The following ANKRD6 variants were observed in gnomAD, a reference collection of about 807,000 sequenced individuals.
The protein encoded by ANKRD6 is ankyrin repeat domain-containing protein 6.
ANKRD6 carries 56 observed loss-of-function variants against 82.3 expected under a neutral mutation model. That is an observed-to-expected ratio of 0.68 (90% CI 0.55 to 0.85). The LOEUF (loss-of-function observed/expected upper bound fraction) is 0.85, where lower values mean the gene tolerates loss of function less well. Among genes scored for constraint, ANKRD6 ranks in the 40% least tolerant of loss-of-function variants. The probability of loss-of-function intolerance (pLI) is 0.00; values close to 1 mark genes in which losing one functional copy is unlikely to be tolerated. For missense variants in ANKRD6, 852 were observed against 907.6 expected (o/e 0.94, Z 0.79); for synonymous variants, 347 against 352.1 (o/e 0.99, Z 0.16).
chr6:89,448,423 C>T (rs1302866486), intron 1 of ANKRD6, among the ~76,000 whole-genome samples: 1 of 113,130 alleles, frequency 8.8e-6, no homozygotes, highest in Non-Finnish European at 1.8e-5. Context: ...GACAGCAAGA[C>T]CTTGTCAAAA....
At chr6:89,533,434 C>T (rs1783430840) in intron 1 of ANKRD6, among the ~76,000 whole-genome samples, 1 of 152,152 alleles carries the variant, frequency 6.6e-6, no homozygotes, top group Non-Finnish European at 1.5e-5. Context: ...CCCTTGGATG[C>T]CCCACAGTGT....
At chr6:89,493,756 C>T (rs530537948) in intron 1 of ANKRD6, among the ~76,000 whole-genome samples, 1 of 152,156 alleles carries the variant, frequency 6.6e-6, no homozygotes, top group East Asian at 1.9e-4. Flanking sequence ...GCATTTAGGG[C>T]CCACTGTGAT....
intron 1 of ANKRD6, among the ~76,000 whole-genome samples, chr6:89,564,615 T>G (rs981021091): frequency 6.6e-6 from 1 of 152,094 alleles, no homozygotes; most frequent in African/African-American, 2.4e-5. Flanking sequence ...CTGAGGAGGC[T>G]GCACAGCACT....
At chr6:89,590,033 C>T (rs1440737951) in intron 2 of ANKRD6, among the ~76,000 whole-genome samples, 1 of 152,118 alleles carries the variant, frequency 6.6e-6, no homozygotes, top group African/African-American at 2.4e-5. Flanking sequence ...TCCAGCCACA[C>T]GTGGAGATGC....
intron 1 of ANKRD6, among the ~76,000 whole-genome samples, chr6:89,542,995 A>G (rs971279113): frequency 1.3e-5 from 2 of 152,234 alleles, no homozygotes; most frequent in African/African-American, 2.4e-5. Flanking sequence ...ATCCAAATGA[A>G]TAACCTTTAT....
At chr6:89,448,489 G>A (rs943878041) in intron 1 of ANKRD6, among the ~76,000 whole-genome samples, 8 of 151,858 alleles carry the variant, frequency 5.3e-5, no homozygotes, top group Non-Finnish European at 1.0e-4. Flanking sequence ...CGTATAAATG[G>A]AACAGCAAAG....
At chr6:89,531,917 C>T (rs1783198853) in intron 1 of ANKRD6, among the ~76,000 whole-genome samples, 1 of 152,170 alleles carries the variant, frequency 6.6e-6, no homozygotes, top group East Asian at 1.9e-4. Context: ...CCAGAAGAGT[C>T]AATGGTGCGG....
intron 1 of ANKRD6, among the ~76,000 whole-genome samples, chr6:89,539,429 A>C (rs571804011): frequency 6.6e-6 from 1 of 152,234 alleles, no homozygotes; most frequent in African/African-American, 2.4e-5. Flanking sequence ...AAACATTAAA[A>C]ATTTTTAATA....
chr6:89,484,444 A>G (rs1363561655), intron 1 of ANKRD6, among the ~76,000 whole-genome samples: 1 of 152,160 alleles, frequency 6.6e-6, no homozygotes. Context: ...GTAAGAGGAA[A>G]ATCTTGATCT....
At chr6:89,472,523 T>C (rs1308739300) in intron 1 of ANKRD6, among the ~76,000 whole-genome samples, 1 of 152,246 alleles carries the variant, frequency 6.6e-6, no homozygotes, top group African/African-American at 2.4e-5. Context: ...ACTACACTTA[T>C]GATTTCTATT....
intron 2 of ANKRD6, among the ~76,000 whole-genome samples, chr6:89,589,425 T>C (rs1794442438): frequency 6.6e-6 from 1 of 152,220 alleles, no homozygotes; most frequent in Admixed American, 6.5e-5. Flanking sequence ...GGAAGGAGGC[T>C]GAGCACCAGT....
At chr6:89,629,031 A>G in intron 14 of ANKRD6, 81 bp from the exon 15 acceptor site, 1 of 1,459,722 alleles carries the variant, frequency 6.9e-7, no homozygotes, top group South Asian at 1.3e-5. Flanking sequence ...TCCATCCTTG[A>G]TGCTTTAATT....
At chr6:89,549,049 A>C (rs1248922585) in intron 1 of ANKRD6, among the ~76,000 whole-genome samples, 1 of 152,112 alleles carries the variant, frequency 6.6e-6, no homozygotes, top group African/African-American at 2.4e-5. Flanking sequence ...TCAACAAAAA[A>C]TACAAAAATT....
At chr6:89,537,499 G>C (rs918417547) in intron 1 of ANKRD6, among the ~76,000 whole-genome samples, 8 of 152,100 alleles carry the variant, frequency 5.3e-5, no homozygotes, top group African/African-American at 1.7e-4. Flanking sequence ...AAATGGACAA[G>C]TGCTTGTGGT....
Position 89,632,896 on chromosome 6 carries a change from TA to T in ANKRD6, c.*1895del, listed in dbSNP as rs1359604234. 3 of 152,238 alleles carry T rather than the reference TA, an allele frequency of 2.0e-5. No individual in the cohort carries two copies. The highest frequency in any genetic ancestry group is 7.2e-5 in the African/African-American group (3 of 41,462). 9.4% of individuals were successfully genotyped at this position (152,238 alleles called of 1,614,324 possible). A position where few individuals can be genotyped will look rare whatever the true frequency, so the allele number is the denominator to read the frequency against. On this transcript the variant is annotated 3_prime_UTR_variant, in exon 16 of 16. Coordinates refer to ENST00000339746, the MANE Select transcript of ANKRD6 (RefSeq NM_001242809.2). Reference sequence around the variant, plus strand: ...GAGAACTGCCTAATACTCAAGAAATTAAATCCTGAGTTCAGTAGGCTGTGTT... The same window carrying T: ...GAGAACTGCCTAATACTCAAGAAATTAATCCTGAGTTCAGTAGGCTGTGTT...
At chr6:89,518,199 T>A (rs990089606) in intron 1 of ANKRD6, among the ~76,000 whole-genome samples, 1 of 151,970 alleles carries the variant, frequency 6.6e-6, no homozygotes, top group Non-Finnish European at 1.5e-5. Flanking sequence ...GGTCCAGAGT[T>A]CGTGACCAGC....
intron 1 of ANKRD6, among the ~76,000 whole-genome samples, chr6:89,493,245 A>T (rs1778215562): frequency 6.6e-6 from 1 of 151,952 alleles, no homozygotes; most frequent in African/African-American, 2.4e-5. Flanking sequence ...CTCCCTCCAG[A>T]GTTTCTAGGG....
chr6:89,597,922 C>G (rs1312893057), intron 3 of ANKRD6, among the ~76,000 whole-genome samples: 1 of 152,088 alleles, frequency 6.6e-6, no homozygotes, highest in Non-Finnish European at 1.5e-5. Context: ...GATGACCAGC[C>G]TTGAAATACA....
At chr6:89,533,999 C>T (rs1190692009) in intron 1 of ANKRD6, among the ~76,000 whole-genome samples, 2 of 152,300 alleles carry the variant, frequency 1.3e-5, no homozygotes, top group South Asian at 2.1e-4. Context: ...AATACGTCTA[C>T]ACACACAGAA....
Sources: allele counts gnomAD v4.1 joint callset (sites outside exome capture counted in the v4.1 genomes callset), GRCh38; gene constraint gnomAD v4.1.1; transcripts MANE v1.5; gene names NCBI Gene and HGNC (gene_info 2026-07-23, HGNC 2026-07-21).